EIF2AK2: variants seen among roughly 807,000 people sequenced by gnomAD.
EIF2AK2 encodes interferon-induced, double-stranded RNA-activated protein kinase.
In EIF2AK2, 40 loss-of-function variants were observed where a neutral mutation model predicts 70.5. That is an observed-to-expected ratio of 0.57 (90% CI 0.44 to 0.74). EIF2AK2 has a LOEUF of 0.74. Ranked by LOEUF, EIF2AK2 falls within the 30% of genes least tolerant of loss-of-function variation. EIF2AK2 has a pLI of 0.00. For synonymous variants in EIF2AK2, 198 were observed against 220.9 expected (o/e 0.90, Z 0.92); for missense variants, 555 against 644.3 (o/e 0.86, Z 1.50).
rs1204111540 is a variant in EIF2AK2, at chr2:37,109,561, G to T, written c.1378-266C>A. Reference sequence around the variant, plus strand: ...AGTATCAACCACAGAGTTTGATTGTGAGAGTGAGATGCAGCAGGTAAAGCA... The same window carrying T: ...AGTATCAACCACAGAGTTTGATTGTTAGAGTGAGATGCAGCAGGTAAAGCA... On this transcript the variant is annotated intron_variant, in intron 14 of 16. Transcript: ENST00000233057. 1.7e-5 allele frequency: 6 copies of T among 349,856 alleles called. No individual in the cohort carries two copies. The East Asian group carries it at 3.2e-4, about 19-fold the overall frequency. 21.7% of individuals were successfully genotyped at this position (349,856 alleles called of 1,614,324 possible). A position where few individuals can be genotyped will look rare whatever the true frequency, so the allele number is the denominator to read the frequency against.
intron 12 of EIF2AK2, 61 bp downstream of exon 12, chr2:37,122,445 A>C: frequency 6.4e-7 from 1 of 1,561,882 alleles, no homozygotes; most frequent in East Asian, 2.2e-5. Flanking sequence ...AGTGGCCCAT[A>C]CATAGTAAAT....
chr2:37,104,445 A>C lies in EIF2AK2; in HGVS notation c.*2828T>G, dbSNP rs1204842096. Reference sequence around the variant, plus strand: ...AGTGATCCTCCCACCTCACCCCCCCAAGTAGCTGGGACCACAGATGCACAC... The same window carrying C: ...AGTGATCCTCCCACCTCACCCCCCCCAGTAGCTGGGACCACAGATGCACAC... On this transcript the variant is annotated 3_prime_UTR_variant, in exon 17 of 17. Transcript: ENST00000233057. 1 of 151,676 alleles carries C rather than the reference A, an allele frequency of 6.6e-6. No homozygotes were observed. Among genetic ancestry groups the C allele is most frequent in the African/African-American group, 2.4e-5 (1 of 41,232 alleles). 9.4% of individuals were successfully genotyped at this position (151,676 alleles called of 1,614,324 possible).
intron 1 of EIF2AK2, among the ~76,000 whole-genome samples, chr2:37,155,800 C>T (rs1675900424): frequency 6.6e-6 from 1 of 151,922 alleles, no homozygotes; most frequent in Non-Finnish European, 1.5e-5. Context: ...AATTAGTTGG[C>T]TGTGCTGGCG....
In EIF2AK2 at chr2:37,107,069, A is replaced by T; in HGVS notation, c.*204T>A. The T allele has an allele frequency of 1.7e-6, 1 of 576,678 alleles. No homozygotes were observed. The highest frequency in any genetic ancestry group is 3.5e-5 in the South Asian group (1 of 28,788). 35.7% of individuals were successfully genotyped at this position (576,678 alleles called of 1,614,324 possible). On this transcript the variant is annotated 3_prime_UTR_variant, in exon 17 of 17. Transcript: ENST00000233057. Reference sequence around the variant, plus strand: ...AAAAAAAAAAAAGAATAAAGAGATGAGCCAGGAAAAAGTAAAATGTAAGAA... The same window carrying T: ...AAAAAAAAAAAAGAATAAAGAGATGTGCCAGGAAAAAGTAAAATGTAAGAA...
intron 6 of EIF2AK2, among the ~76,000 whole-genome samples, chr2:37,139,379 G>T (rs1359168249): frequency 1.3e-5 from 2 of 150,520 alleles, no homozygotes; most frequent in Non-Finnish European, 2.9e-5. Flanking sequence ...CCAAAGTGCT[G>T]GGATTACAGG....
rs140701210 is a variant in EIF2AK2 at position 37,150,753 on chromosome 2, TA to T, written c.-183-1731del. 4.0e-3 allele frequency among the ~76,000 whole-genome samples: 602 copies of T among 152,258 alleles called. 3 individuals carry two copies. Among genetic ancestry groups the T allele is most frequent in the African/African-American group, 0.014 (562 of 41,538 alleles). On this transcript the variant is annotated intron_variant, in intron 1 of 16. Coordinates refer to ENST00000233057, the MANE Select transcript of EIF2AK2 (RefSeq NM_001135651.3). Reference sequence around the variant, plus strand: ...TTCAAATAAAAAAGTTTTAATACTTTAAAAAAGTGAAGTGTATGAAATCATG... The same window carrying T: ...TTCAAATAAAAAAGTTTTAATACTTTAAAAAGTGAAGTGTATGAAATCATG...
At chr2:37,111,874 AAAAAATAT>A (rs1173988292) in intron 14 of EIF2AK2, among the ~76,000 whole-genome samples, 48 of 43,236 alleles carry the variant, frequency 1.1e-3, no homozygotes, top group South Asian at 4.2e-3. Context: ...AAAAAAAAAA[AAAAAATAT>A]ATATATATAT....
At chr2:37,137,553 CCT>C (rs1334304828) in intron 8 of EIF2AK2, among the ~76,000 whole-genome samples, 3 of 152,222 alleles carry the variant, frequency 2.0e-5, no homozygotes, top group Non-Finnish European at 2.9e-5. Flanking sequence ...AAGCGATCCT[CCT>C]ACCTTGGCCT....
At position 37,137,070 on chromosome 2, in the gene EIF2AK2, C is replaced by T. The variant is rs937766543; in HGVS notation, c.688-53G>A. The T allele has an allele frequency of 1.4e-4, 204 of 1,496,584 alleles. 1 individual carries two copies. The highest frequency in any genetic ancestry group is 2.6e-5 in the Non-Finnish European group (29 of 1,101,864). 92.7% of individuals were successfully genotyped at this position (1,496,584 alleles called of 1,614,324 possible). On this transcript the variant is annotated intron_variant, in intron 8 of 16. Transcript: ENST00000233057. ...TTCAGATGACTAAATCAGTCATCTTCCTTTCCCGTTTTCCTTCCTCCTGTA... is the reference window on the plus strand; with the variant it reads ...TTCAGATGACTAAATCAGTCATCTTTCTTTCCCGTTTTCCTTCCTCCTGTA...
At chr2:37,132,582 C>T (rs377328761) in intron 10 of EIF2AK2, among the ~76,000 whole-genome samples, 1 of 152,102 alleles carries the variant, frequency 6.6e-6, no homozygotes, top group Non-Finnish European at 1.5e-5. Context: ...GAGCAAGAAT[C>T]TGTCTCAAAA....
At chr2:37,140,600 G>GC (rs113249365) in intron 5 of EIF2AK2, among the ~76,000 whole-genome samples, 5,258 of 148,292 alleles carry the variant, frequency 0.035, 104 homozygotes, top group African/African-American at 0.049. Flanking sequence ...TTCAGATACT[G>GC]CCCCCCCCCG....
At chr2:37,137,209 TA>T (rs2148699127) in intron 8 of EIF2AK2, among the ~76,000 whole-genome samples, 192 bp from the exon 9 acceptor site, 1 of 152,360 alleles carries the variant, frequency 6.6e-6, no homozygotes, top group East Asian at 1.9e-4. Flanking sequence ...CTAATGAGTT[TA>T]AAATAGTATC....
intron 11 of EIF2AK2, among the ~76,000 whole-genome samples, chr2:37,125,641 C>T (rs1674702877): frequency 6.6e-6 from 1 of 152,214 alleles, no homozygotes; most frequent in African/African-American, 2.4e-5. Context: ...AACTGCTAGC[C>T]AGCTTGGATA....
chr2:37,151,923 G>C (rs973025183), intron 1 of EIF2AK2, among the ~76,000 whole-genome samples: 1 of 152,176 alleles, frequency 6.6e-6, no homozygotes, highest in South Asian at 2.1e-4. Flanking sequence ...AAAATTAGCC[G>C]GGCGCGGTGG....
At chr2:37,128,069 G>A (rs1268189130) in intron 10 of EIF2AK2, among the ~76,000 whole-genome samples, 2 of 151,870 alleles carry the variant, frequency 1.3e-5, no homozygotes, top group East Asian at 3.9e-4. Flanking sequence ...ATTTAAAGTC[G>A]GTCATCCCCA....
intron 10 of EIF2AK2, among the ~76,000 whole-genome samples, chr2:37,132,805 G>T (rs546883184): frequency 4.3e-4 from 65 of 152,226 alleles, no homozygotes. Flanking sequence ...CATCAAGCCA[G>T]GGGACACCTT....
intron 10 of EIF2AK2, among the ~76,000 whole-genome samples, chr2:37,127,419 A>G: frequency 6.6e-6 from 1 of 152,180 alleles, no homozygotes. Flanking sequence ...CCACAAAAAC[A>G]AAAAGCCCTT....
intron 12 of EIF2AK2, among the ~76,000 whole-genome samples, chr2:37,120,850 G>A (rs548271703): frequency 1.8e-4 from 27 of 149,354 alleles, no homozygotes; most frequent in African/African-American, 6.5e-4. Flanking sequence ...TGTAGTCTCA[G>A]CTACTCGGGA....
intron 14 of EIF2AK2, 25 bp from the exon 15 acceptor site, chr2:37,109,320 C>T: frequency 6.3e-7 from 1 of 1,591,280 alleles, no homozygotes; most frequent in Non-Finnish European, 8.6e-7. Context: ...ATAGATTTAC[C>T]TTTGTTATGC....
Sources: allele counts gnomAD v4.1 joint callset (sites outside exome capture counted in the v4.1 genomes callset), GRCh38; gene constraint gnomAD v4.1.1; transcripts MANE v1.5; gene names NCBI Gene and HGNC (gene_info 2026-07-23, HGNC 2026-07-21).